Variants in EXOC6B observed in about 807,000 individuals in gnomAD.
EXOC6B encodes SEC15 homolog B.
A neutral mutation model predicts 113.5 loss-of-function variants in EXOC6B; 54 were observed. That is an observed-to-expected ratio of 0.48 (90% confidence interval 0.38 to 0.60). EXOC6B has a LOEUF of 0.60. Among genes scored for constraint, EXOC6B ranks in the 20% least tolerant of loss-of-function variants. The pLI is 0.00. For synonymous variants in EXOC6B, 357 were observed against 339.0 expected (o/e 1.05, Z -0.58); for missense variants, 797 against 977.5 (o/e 0.82, Z 2.46).
At chr2:72,817,832 C>T (rs1157308320) in intron 1 of EXOC6B, among the ~76,000 whole-genome samples, 2 of 152,082 alleles carry the variant, frequency 1.3e-5, no homozygotes, top group East Asian at 1.9e-4. Flanking sequence ...CTTCTCATCA[C>T]CTCCTCCCTA....
intron 18 of EXOC6B, among the ~76,000 whole-genome samples, chr2:72,460,196 A>G (rs2105394683): frequency 6.6e-6 from 1 of 152,290 alleles, no homozygotes; most frequent in Non-Finnish European, 1.5e-5. Flanking sequence ...ACCTTATACA[A>G]AAATTAATTC....
chr2:72,621,900 T>C (rs1450169857), intron 6 of EXOC6B, among the ~76,000 whole-genome samples: 5 of 152,086 alleles, frequency 3.3e-5, no homozygotes, highest in African/African-American at 7.2e-5. Flanking sequence ...CAATAAACAC[T>C]AGGAAAGACA....
At chr2:72,717,407 G>T (rs1679687680) in intron 6 of EXOC6B, among the ~76,000 whole-genome samples, 1 of 152,028 alleles carries the variant, frequency 6.6e-6, no homozygotes, top group African/African-American at 2.4e-5. Context: ...GTTGCTGTAG[G>T]CTACATCATC....
chr2:72,799,095 C>T (rs954786128), intron 1 of EXOC6B, among the ~76,000 whole-genome samples: 2 of 151,598 alleles, frequency 1.3e-5, no homozygotes, highest in Non-Finnish European at 2.9e-5. Context: ...CAAAAATTAC[C>T]CGGGCATGGT....
intron 6 of EXOC6B, among the ~76,000 whole-genome samples, chr2:72,630,287 A>T (rs1672306860): frequency 6.6e-6 from 1 of 152,198 alleles, no homozygotes; most frequent in Non-Finnish European, 1.5e-5. Flanking sequence ...CCTAAGTGTG[A>T]GATCACAAAT....
At chr2:72,427,481 G>A (rs1181408553) in intron 18 of EXOC6B, among the ~76,000 whole-genome samples, 1 of 152,188 alleles carries the variant, frequency 6.6e-6, no homozygotes, top group Non-Finnish European at 1.5e-5. Context: ...GAGCAGGGTT[G>A]GGGCTAAGCA....
At chr2:72,377,324 A>G (rs1470421101) in intron 19 of EXOC6B, among the ~76,000 whole-genome samples, 1 of 152,190 alleles carries the variant, frequency 6.6e-6, no homozygotes, top group East Asian at 1.9e-4. Flanking sequence ...GTATACAACT[A>G]CCATATGATT....
At chr2:72,625,160 C>A (rs550654043) in intron 6 of EXOC6B, among the ~76,000 whole-genome samples, 1 of 151,718 alleles carries the variant, frequency 6.6e-6, no homozygotes. Context: ...AGGTAATCCT[C>A]CCACATCAGC....
In EXOC6B at chr2:72,499,971, G is replaced by A. The variant is rs1185742816; in HGVS notation, c.1169C>T (p.Ser390Phe). ...KTIAALRTHS[S>F]YCSDPNLVLD... Reference sequence around the variant, plus strand: ...CACAAGGTTTGGATCAGAACAGTAAGACTAAAGTAAATAAAAGACAAAGGA... The same window carrying A: ...CACAAGGTTTGGATCAGAACAGTAAAACTAAAGTAAATAAAAGACAAAGGA... Residue 390 changes from serine to phenylalanine, a missense_variant and splice_region_variant, in exon 12 of 22, where the codon TCT becomes TTT. Physicochemically the swap from Ser to Phe is radical, Grantham distance 155. Coordinates refer to ENST00000272427, the MANE Select transcript of EXOC6B (RefSeq NM_015189.3). 1 of 1,542,080 alleles carries A rather than the reference G, an allele frequency of 6.5e-7. No individual in the cohort carries two copies. The highest frequency in any genetic ancestry group is 8.8e-7 in the Non-Finnish European group (1 of 1,139,436).
At chr2:72,330,829 G>A (rs1016389510) in intron 20 of EXOC6B, among the ~76,000 whole-genome samples, 1 of 152,042 alleles carries the variant, frequency 6.6e-6, no homozygotes, top group African/African-American at 2.4e-5. Context: ...GCTTCAAGGA[G>A]TTTGCGCATT....
At chr2:72,489,069 C>A (rs907508263) in intron 16 of EXOC6B, among the ~76,000 whole-genome samples, 1 of 152,118 alleles carries the variant, frequency 6.6e-6, no homozygotes, top group Non-Finnish European at 1.5e-5. Flanking sequence ...CTAATCTCTA[C>A]CTGAAATTTC....
At chr2:72,478,148 C>G (rs1386453427) in intron 17 of EXOC6B, among the ~76,000 whole-genome samples, 1 of 152,072 alleles carries the variant, frequency 6.6e-6, no homozygotes, top group African/African-American at 2.4e-5. Context: ...CTTTTTCTGT[C>G]TCTCCCCAAG....
chr2:72,321,533 CAAAAAAA>C (rs766214952), intron 20 of EXOC6B, among the ~76,000 whole-genome samples: 4 of 61,168 alleles, frequency 6.5e-5, no homozygotes, highest in African/African-American at 2.3e-4. Flanking sequence ...GACTCCGTCT[CAAAAAAA>C]AAAAAAAAAA....
intron 20 of EXOC6B, among the ~76,000 whole-genome samples, chr2:72,258,361 CTTTTTTTTTTTTT>C (rs967346322): frequency 1.3e-4 from 16 of 124,838 alleles, no homozygotes; most frequent in African/African-American, 3.9e-4. Flanking sequence ...TTATCTTTTT[CTTTTTTTTTTTTT>C]TTTTTTTGAG....
chr2:72,484,218 T>G (rs1052908531), intron 16 of EXOC6B, among the ~76,000 whole-genome samples: 2 of 151,562 alleles, frequency 1.3e-5, no homozygotes, highest in African/African-American at 2.4e-5. Context: ...CATAGGTGTA[T>G]GTATGTCATG....
Position 72,556,370 on chromosome 2 carries a change from T to C in EXOC6B, c.915+3083A>G, listed in dbSNP as rs570760218. On this transcript the variant is annotated intron_variant, in intron 8 of 21. Transcript: ENST00000272427. ...AAATCATTAGACATTCACTTTATAG[T>C]CCTGATTTAGCTTCTTCTGACTTCT... Among the ~76,000 whole-genome samples, 61 of 152,336 alleles carry C rather than the reference T, an allele frequency of 4.0e-4. 3 individuals are homozygous for C. The South Asian group carries it at 0.011, about 28-fold the overall frequency.
At chr2:72,404,688 C>T (rs907246293) in intron 18 of EXOC6B, among the ~76,000 whole-genome samples, 1 of 152,122 alleles carries the variant, frequency 6.6e-6, no homozygotes, top group African/African-American at 2.4e-5. Flanking sequence ...AAAGGACATC[C>T]ACACCAAAAC....
rs145411262 is a variant in EXOC6B at position 72,644,959 on chromosome 2, G to A, written c.670-69291C>T. On this transcript the variant is annotated intron_variant, in intron 6 of 21. Transcript: ENST00000272427. ...AACAATATTAACCTTAAATGTAAAT[G>A]GGCTAAATGCCCCACTTAAAAGACA... 9.6e-3 allele frequency among the ~76,000 whole-genome samples: 1,459 copies of A among 152,218 alleles called. 9 individuals are homozygous for A. Among genetic ancestry groups the A allele is most frequent in the Non-Finnish European group, 0.015 (991 of 68,004 alleles).
At chr2:72,820,976 A>T (rs1435089271) in intron 1 of EXOC6B, among the ~76,000 whole-genome samples, 1 of 152,142 alleles carries the variant, frequency 6.6e-6, no homozygotes, top group Non-Finnish European at 1.5e-5. Context: ...AAATAAGAAA[A>T]AAAATGATAA....
Sources: allele counts gnomAD v4.1 joint callset (sites outside exome capture counted in the v4.1 genomes callset), GRCh38; gene constraint gnomAD v4.1.1; transcripts MANE v1.5; gene names NCBI Gene and HGNC (gene_info 2026-07-23, HGNC 2026-07-21).